The following COQ2 variants were observed in gnomAD, a reference collection of about 807,000 sequenced individuals.
The protein encoded by COQ2 is 4-hydroxybenzoate polyprenyltransferase, mitochondrial.
In COQ2, 25 loss-of-function variants were observed where a neutral mutation model predicts 35.7. The observed-to-expected ratio is 0.70, with a 90% CI of 0.51 to 0.98. The LOEUF (loss-of-function observed/expected upper bound fraction) is 0.98, where lower values mean the gene tolerates loss of function less well. Ranked by LOEUF, COQ2 falls within the 50% of genes least tolerant of loss-of-function variation. The pLI is 0.00. For synonymous variants in COQ2, 206 were observed against 186.2 expected (o/e 1.11, Z -0.86); for missense variants, 488 against 473.5 (o/e 1.03, Z -0.28).
chr4:83,283,710 C>A (rs1735382539), intron 1 of COQ2: 1 of 985,362 alleles, frequency 1.0e-6, no homozygotes, highest in African/African-American at 1.7e-5. Context: ...TATGGCCGGA[C>A]AACGTAGTAG....
intron 1 of COQ2, among the ~76,000 whole-genome samples, chr4:83,281,862 G>C (rs1346989828): frequency 6.6e-6 from 1 of 152,108 alleles, no homozygotes; most frequent in Non-Finnish European, 1.5e-5. Flanking sequence ...TCTGGCTGCA[G>C]TCTGTGTCCT....
intron 1 of COQ2, chr4:83,284,082 C>A: frequency 1.0e-6 from 1 of 985,412 alleles, no homozygotes; most frequent in Non-Finnish European, 1.2e-6. Flanking sequence ...TCTTTGTGGG[C>A]CTTACAAGAT....
At chr4:83,265,330 G>C (rs1356080158) in intron 6 of COQ2, among the ~76,000 whole-genome samples, 1 of 152,196 alleles carries the variant, frequency 6.6e-6, no homozygotes, top group Non-Finnish European at 1.5e-5. Context: ...AGCACTTTGG[G>C]AGGCTGAGGT....
intron 5 of COQ2, among the ~76,000 whole-genome samples, chr4:83,268,795 T>C (rs573339891): frequency 2.6e-5 from 4 of 152,326 alleles, no homozygotes; most frequent in Admixed American, 1.3e-4. Flanking sequence ...TAGCAGGGCA[T>C]AGGGGGTTTA....
intron 6 of COQ2, among the ~76,000 whole-genome samples, chr4:83,266,053 C>T (rs966292470): frequency 2.6e-5 from 4 of 152,154 alleles, no homozygotes; most frequent in African/African-American, 7.2e-5. Flanking sequence ...TTAACATATA[C>T]CCATTATCCA....
chr4:83,267,919 T>C (rs949656766), intron 5 of COQ2, 145 bp from the exon 6 acceptor site: 7 of 666,990 alleles, frequency 1.0e-5, no homozygotes, highest in Admixed American at 9.4e-5. Flanking sequence ...TCAGAAGAAA[T>C]TGTCTTTTAA....
At position 83,264,197 on chromosome 4, in the gene COQ2, C is replaced by A; in HGVS notation, c.*2G>T. 1 of 1,280,090 alleles carries A rather than the reference C, an allele frequency of 7.8e-7. No homozygotes were observed. Among genetic ancestry groups the A allele is most frequent in the Non-Finnish European group, 1.1e-6 (1 of 932,020 alleles). The allele number at this position is 1,280,090 out of a possible 1,614,324, so 79.3% of individuals were successfully genotyped here. A position where few individuals can be genotyped will look rare whatever the true frequency, so the allele number is the denominator to read the frequency against. On this transcript the variant is annotated 3_prime_UTR_variant, in exon 7 of 7. Coordinates refer to ENST00000647002, the MANE Select transcript of COQ2 (RefSeq NM_001358921.2). The stretch of plus-strand genomic sequence containing the variant: ...TAAAAATTCCTAGATAAATTTCATT[C>A]ATTAATTTTCTATTTTATTCTCTAT...
At chr4:83,272,927 C>T (rs911685972) in intron 3 of COQ2, among the ~76,000 whole-genome samples, 1 of 152,158 alleles carries the variant, frequency 6.6e-6, no homozygotes, top group African/African-American at 2.4e-5. Flanking sequence ...GCAATTAAGT[C>T]TAGTCTCCAT....
intron 1 of COQ2, among the ~76,000 whole-genome samples, chr4:83,280,965 T>C (rs1052072622): frequency 7.9e-5 from 12 of 152,248 alleles, no homozygotes; most frequent in Non-Finnish European, 2.9e-5. Context: ...TTTATTTATA[T>C]ATTTACATTA....
Position 83,284,523 on chromosome 4 carries a change from T to G in COQ2, c.242A>C (p.Asp81Ala), listed in dbSNP as rs1020179416. 1 of 1,573,918 alleles carries G rather than the reference T, an allele frequency of 6.4e-7. No individual in the cohort carries two copies. The highest frequency in any genetic ancestry group is 8.6e-7 in the Non-Finnish European group (1 of 1,161,866). ...LQPYLRLMRL[D>A]KPIGTWLLYL... ...CCGCCCGCACTCACCAATGGGCTTG[T>G]CCAACCGCATGAGGCGCAAGTACGG... The change falls in exon 1 of 7, where the codon GAC becomes GCC. Residue 81 changes from aspartate (D) to alanine (A), a missense_variant. Asp to Ala is a moderately radical substitution (Grantham distance 126). Transcript: ENST00000647002.
chr4:83,264,588 G>T (rs1734866300), intron 6 of COQ2, among the ~76,000 whole-genome samples: 1 of 152,064 alleles, frequency 6.6e-6, no homozygotes, highest in Non-Finnish European at 1.5e-5. Flanking sequence ...AATAAGCCAT[G>T]ATCACCCTAC....
At chr4:83,283,581 T>A (rs1443500400) in intron 1 of COQ2, 8 of 985,380 alleles carry the variant, frequency 8.1e-6, no homozygotes, top group Non-Finnish European at 9.6e-6. Context: ...CTTTTTCCTG[T>A]AGCACTTGCT....
At chr4:83,280,972 A>T (rs892408050) in intron 1 of COQ2, among the ~76,000 whole-genome samples, 6 of 152,208 alleles carry the variant, frequency 3.9e-5, no homozygotes, top group African/African-American at 1.4e-4. Context: ...ATATATTTAC[A>T]TTAGAGACAG....
intron 2 of COQ2, 109 bp downstream of exon 2, chr4:83,278,839 G>T: frequency 8.4e-7 from 1 of 1,183,998 alleles, no homozygotes; most frequent in East Asian, 2.9e-5. Context: ...CTGGATTTCT[G>T]TGGTCACTGA....
chr4:83,265,391 G>A (rs562376758), intron 6 of COQ2, among the ~76,000 whole-genome samples: 127 of 152,198 alleles, frequency 8.3e-4, no homozygotes, highest in African/African-American at 2.9e-3. Context: ...CCAACATGGC[G>A]AAGCCCCGTC....
Position 83,267,728 on chromosome 4 carries a change from C to T in COQ2, c.809G>A (p.Arg270Gln), listed in dbSNP as rs200217650. Residue 270 changes from arginine to glutamine, a missense_variant, in exon 6 of 7, where the codon CGG becomes CAG. Physicochemically the swap from Arg to Gln is conservative, Grantham distance 43. Transcript: ENST00000647002. ...VLIGLKSTALRFGENTKPWLS... is the reference protein window; with the variant it reads ...VLIGLKSTALQFGENTKPWLS... ...CCACGGCTTGGTATTTTCTCCGAACCGCAGAGCCGTTGACTTAAGACCAAT... is the reference window on the plus strand; with the variant it reads ...CCACGGCTTGGTATTTTCTCCGAACTGCAGAGCCGTTGACTTAAGACCAAT... The T allele has an allele frequency of 1.1e-4, 166 of 1,552,190 alleles. No homozygotes were observed. The highest frequency in any genetic ancestry group is 3.0e-4 in the African/African-American group (22 of 73,046).
rs993009042 is a variant in COQ2, at chr4:83,279,227, A to C, written c.254-113T>G. On this transcript the variant is annotated intron_variant, in intron 1 of 6. Transcript: ENST00000647002. ...AAGAACACTATAAGTCAAAAAAACAAATGACAAAACTGAGAAAATAAATTT... is the reference window on the plus strand; with the variant it reads ...AAGAACACTATAAGTCAAAAAAACACATGACAAAACTGAGAAAATAAATTT... 2.3e-6 allele frequency: 3 copies of C among 1,279,338 alleles called. No homozygotes were observed. The African/African-American group carries it at 4.7e-5, about 20-fold the overall frequency. The allele number at this position is 1,279,338 out of a possible 1,614,324, so 79.2% of individuals were successfully genotyped here. A position where few individuals can be genotyped will look rare whatever the true frequency, so the allele number is the denominator to read the frequency against.
rs548360302 is a variant in COQ2 at position 83,280,203 on chromosome 4, T to A, written c.254-1089A>T. ...ACTTAACCAATAAACTAGAGGAAATTAAGATAAAAGCAAATAGATTATATA... is the reference window on the plus strand; with the variant it reads ...ACTTAACCAATAAACTAGAGGAAATAAAGATAAAAGCAAATAGATTATATA... On this transcript the variant is annotated intron_variant, in intron 1 of 6. Coordinates refer to ENST00000647002, the MANE Select transcript of COQ2 (RefSeq NM_001358921.2). Among the ~76,000 whole-genome samples the A allele has an allele frequency of 7.2e-5, 11 of 152,322 alleles. No individual in the cohort carries two copies. In the East Asian group the frequency reaches 2.1e-3, roughly 29 times the overall value.
At chr4:83,278,563 T>C (rs993797355) in intron 2 of COQ2, among the ~76,000 whole-genome samples, 4 of 152,254 alleles carry the variant, frequency 2.6e-5, no homozygotes, top group Non-Finnish European at 5.9e-5. Context: ...TTGATTCACT[T>C]GATTTACGTA....
Sources: allele counts gnomAD v4.1 joint callset (sites outside exome capture counted in the v4.1 genomes callset), GRCh38; gene constraint gnomAD v4.1.1; transcripts MANE v1.5; gene names NCBI Gene and HGNC (gene_info 2026-07-23, HGNC 2026-07-21).